Variants in SSU72 observed in about 807,000 individuals in gnomAD.
The protein encoded by SSU72 is RNA polymerase II subunit A C-terminal domain phosphatase SSU72.
SSU72 carries 12 observed loss-of-function variants against 22.7 expected under a neutral mutation model. That is an observed-to-expected ratio of 0.53 (90% CI 0.34 to 0.86). The LOEUF (loss-of-function observed/expected upper bound fraction) is 0.86. Ranked by LOEUF, SSU72 falls within the 40% of genes least tolerant of loss-of-function variation. The probability of loss-of-function intolerance (pLI) is 0.02; values close to 1 mark genes in which losing one functional copy is unlikely to be tolerated. For synonymous variants in SSU72, 116 were observed against 98.3 expected, an observed-to-expected ratio of 1.18 and a Z score of -1.06; for missense variants, 151 against 249.8, an observed-to-expected ratio of 0.60 and a Z score of 2.67.
Position 1,574,695 on chromosome 1 carries a change from G to C in SSU72, c.-138C>G, listed in dbSNP as rs1269386656. ...CGGCGCCGGCGGTGTAGCGTGCGGCGACTGCGCGGCGGCCTCCCCGCCCAC... is the reference window on the plus strand; with the variant it reads ...CGGCGCCGGCGGTGTAGCGTGCGGCCACTGCGCGGCGGCCTCCCCGCCCAC... On this transcript the variant is annotated 5_prime_UTR_variant, in exon 1 of 5. Coordinates refer to ENST00000291386, the MANE Select transcript of SSU72 (RefSeq NM_014188.3). The C allele has an allele frequency of 1.2e-6, 1 of 830,350 alleles. No homozygotes were observed. The highest frequency in any genetic ancestry group is 1.7e-6 in the Non-Finnish European group (1 of 588,664). 51.4% of individuals were successfully genotyped at this position (830,350 alleles called of 1,614,324 possible).
At chr1:1,544,595 C>T (rs191159025) in intron 3 of SSU72, 22 of 492,552 alleles carry the variant, frequency 4.5e-5, no homozygotes, top group African/African-American at 2.3e-4. Context: ...TCCAGCCTGG[C>T]GACAGAGCAC....
At chr1:1,572,966 A>G (rs1424437152) in intron 1 of SSU72, among the ~76,000 whole-genome samples, 2 of 151,918 alleles carry the variant, frequency 1.3e-5, no homozygotes, top group African/African-American at 2.4e-5. Flanking sequence ...GATCCAGCAC[A>G]ATGTAATTCT....
chr1:1,564,303 T>A, intron 2 of SSU72: 1 of 574,194 alleles, frequency 1.7e-6, no homozygotes, highest in Non-Finnish European at 2.9e-6. Flanking sequence ...AACAGCTTGG[T>A]TAGCAAGCTC....
intron 1 of SSU72, among the ~76,000 whole-genome samples, chr1:1,569,440 G>A (rs1450392835): frequency 6.6e-6 from 1 of 152,114 alleles, no homozygotes; most frequent in Non-Finnish European, 1.5e-5. Context: ...ACTATCACTT[G>A]GATTTATCAG....
At chr1:1,550,586 C>A (rs974558457) in intron 2 of SSU72, among the ~76,000 whole-genome samples, 1 of 152,240 alleles carries the variant, frequency 6.6e-6, no homozygotes, top group African/African-American at 2.4e-5. Context: ...AGCCCCGGGC[C>A]CCAGGCTGCT....
intron 2 of SSU72, chr1:1,564,567 TCAC>T: frequency 6.3e-7 from 1 of 1,587,976 alleles, no homozygotes; most frequent in East Asian, 2.3e-5. Context: ...TCTGTGCGCC[TCAC>T]CACGCCTACT....
intron 2 of SSU72, chr1:1,561,037 GGCCCT>G (rs1642584459): frequency 6.6e-6 from 1 of 152,142 alleles, no homozygotes; most frequent in African/African-American, 2.4e-5. Context: ...CCTCGACCCC[GGCCCT>G]GCCTCTGAAC....
At chr1:1,563,208 CTACCTGTG>C (rs1295873043) in intron 2 of SSU72, 1 of 152,232 alleles carries the variant, frequency 6.6e-6, no homozygotes, top group African/African-American at 2.4e-5. Context: ...CCTAATTAAT[CTACCTGTG>C]TATAAGAATT....
At chr1:1,547,777 C>G (rs1434475713) in intron 2 of SSU72, among the ~76,000 whole-genome samples, 1 of 152,188 alleles carries the variant, frequency 6.6e-6, no homozygotes, top group African/African-American at 2.4e-5. Context: ...GCCTGCTCTT[C>G]AAGTCATGGG....
In SSU72 at chr1:1,542,504, C is replaced by T. The variant is rs563326851; in HGVS notation, c.484-337G>A. ...CAGCGGGGCCGACCAACCCTCACCG[C>T]CAGCGCTTCCACACCACCAACAAGC... On this transcript the variant is annotated intron_variant, in intron 4 of 4. Coordinates refer to ENST00000291386, the MANE Select transcript of SSU72 (RefSeq NM_014188.3). The surrounding 1 kb of genome is among the most constrained non-coding windows in gnomAD (Gnocchi z 4.4). Among the ~76,000 whole-genome samples the T allele has an allele frequency of 4.3e-4, 65 of 152,276 alleles. No homozygotes were observed. Among genetic ancestry groups the T allele is most frequent in the Non-Finnish European group, 8.5e-4 (58 of 68,024 alleles).
At chr1:1,570,763 G>A (rs887540017) in intron 1 of SSU72, among the ~76,000 whole-genome samples, 6 of 152,160 alleles carry the variant, frequency 3.9e-5, no homozygotes, top group East Asian at 1.9e-4. Flanking sequence ...GGAGACAGAC[G>A]GACACCAAAA....
chr1:1,550,173 CAA>C (rs1169411955), intron 2 of SSU72, among the ~76,000 whole-genome samples: 1,431 of 79,356 alleles, frequency 0.018, 23 homozygotes, highest in African/African-American at 0.055. Flanking sequence ...GAGAGTGTCT[CAA>C]AAAAAAAAAA....
intron 1 of SSU72, among the ~76,000 whole-genome samples, chr1:1,573,096 C>T (rs1259888844): frequency 6.7e-6 from 1 of 149,670 alleles, no homozygotes; most frequent in Non-Finnish European, 1.5e-5. Context: ...TGAGATTAGC[C>T]TGGCCAGCAT....
At chr1:1,568,899 C>T (rs1459348555) in intron 1 of SSU72, among the ~76,000 whole-genome samples, 2 of 147,162 alleles carry the variant, frequency 1.4e-5, no homozygotes, top group Non-Finnish European at 1.5e-5. Flanking sequence ...AGGCCAGGCA[C>T]GGTGGCTCAC....
chr1:1,554,927 C>T lies in SSU72; in HGVS notation c.224+9846G>A, dbSNP rs367617364. Among the ~76,000 whole-genome samples the T allele has an allele frequency of 5.3e-5, 8 of 152,152 alleles. No homozygotes were observed. The highest frequency in any genetic ancestry group is 1.2e-4 in the Non-Finnish European group (8 of 68,020). ...TGGCTGGCAGCAGAGACTTCCTTGA[C>T]GTCAAGTCTCCTGAAGGTGTTGATG... On this transcript the variant is annotated intron_variant, in intron 2 of 4. Coordinates refer to ENST00000291386, the MANE Select transcript of SSU72 (RefSeq NM_014188.3). This position sits in a 1 kb window ranked among gnomAD's most constrained non-coding sequence, Gnocchi z 4.1.
rs1642494523 is a variant in SSU72 at position 1,554,369 on chromosome 1, A to G, written c.225-9367T>C. On this transcript the variant is annotated intron_variant, in intron 2 of 4. Coordinates refer to ENST00000291386, the MANE Select transcript of SSU72 (RefSeq NM_014188.3). The surrounding 1 kb of genome is among the most constrained non-coding windows in gnomAD (Gnocchi z 4.1). The stretch of plus-strand genomic sequence containing the variant: ...CCACTCGGGGGTCCCCACGAAGCTG[A>G]GCATGAGGCGGATCCGGCCCATTTG... Among the ~76,000 whole-genome samples, 1 of 152,136 alleles carries G rather than the reference A, an allele frequency of 6.6e-6. No individual in the cohort carries two copies. Among genetic ancestry groups the G allele is most frequent in the East Asian group, 1.9e-4 (1 of 5,158 alleles).
At chr1:1,556,485 G>A (rs1642522864) in intron 2 of SSU72, among the ~76,000 whole-genome samples, 1 of 152,002 alleles carries the variant, frequency 6.6e-6, no homozygotes, top group Non-Finnish European at 1.5e-5. Flanking sequence ...AGCTTGCAGT[G>A]AGCCAAGACC....
chr1:1,570,709 G>C (rs759096640), intron 1 of SSU72, among the ~76,000 whole-genome samples: 7 of 152,244 alleles, frequency 4.6e-5, no homozygotes, highest in Non-Finnish European at 1.0e-4. Flanking sequence ...CTATGGAGCA[G>C]ACAACAGAAC....
intron 1 of SSU72, among the ~76,000 whole-genome samples, chr1:1,573,420 A>C (rs900870241): frequency 1.4e-5 from 2 of 144,394 alleles, no homozygotes; most frequent in Non-Finnish European, 3.1e-5. Context: ...ACAGAGCAAG[A>C]CTCTGTCTCA....
Sources: gnomAD v4.1 joint callset for allele counts (sites outside exome capture counted in the v4.1 genomes callset) on GRCh38, gnomAD v4.1.1 for gene constraint, Gnocchi (gnomAD v3.1) non-coding constraint, MANE v1.5 for transcripts, NCBI Gene and HGNC (gene_info 2026-07-23, HGNC 2026-07-21) for gene names.